YBX2: variants seen among roughly 807,000 people sequenced by gnomAD.
YBX2 encodes Y-box binding protein 2, also known as Y-box-binding protein 2.
YBX2 carries 5 observed loss-of-function variants against 44.4 expected under a neutral mutation model. The observed-to-expected ratio is 0.11, with a 90% CI of 0.06 to 0.24. YBX2 has a LOEUF of 0.24. Among genes scored for constraint, YBX2 ranks in the 10% least tolerant of loss-of-function variants. YBX2 has a pLI of 1.00. For synonymous variants in YBX2, 188 were observed against 216.1 expected, an observed-to-expected ratio of 0.87 and a Z score of 1.14; for missense variants, 417 against 526.9, an observed-to-expected ratio of 0.79 and a Z score of 2.04.
chr17:7,294,301 C>T lies in YBX2; in HGVS notation c.200G>A (p.Gly67Asp), dbSNP rs1460415131. The change falls in exon 1 of 9, where the codon GGC becomes GAC. Residue 67 changes from glycine to aspartate, a missense_variant. By Grantham distance (94) the Gly-to-Asp change is moderately conservative. Transcript: ENST00000007699. This position sits in a 1 kb window ranked among gnomAD's most constrained non-coding sequence, Gnocchi z 4.6. ...TPSAPGSRTP[G>D]NPATAVSGTP... ...TCCCGAGACCGCCGTCGCCGGATTG[C>T]CAGGGGTGCGGGAGCCCGGCGCCGA... 1.6e-6 allele frequency: 2 copies of T among 1,278,056 alleles called. No homozygotes were observed. The highest frequency in any genetic ancestry group is 2.0e-6 in the Non-Finnish European group (2 of 1,018,606). 79.2% of individuals were successfully genotyped at this position (1,278,056 alleles called of 1,614,324 possible).
At position 7,294,471 on chromosome 17, in the gene YBX2, A is replaced by T. The variant is rs538698698; in HGVS notation, c.30T>A (p.Ala10=). 6 of 1,476,486 alleles carry T rather than the reference A, an allele frequency of 4.1e-6. No homozygotes were observed. In the African/African-American group the frequency reaches 7.3e-5, roughly 18 times the overall value. 91.5% of individuals were successfully genotyped at this position (1,476,486 alleles called of 1,614,324 possible). A position where few individuals can be genotyped will look rare whatever the true frequency, so the allele number is the denominator to read the frequency against. The change falls in exon 1 of 9, where the codon GCT becomes GCA. Residue 10 remains alanine, a synonymous_variant. Coordinates refer to ENST00000007699, the MANE Select transcript of YBX2 (RefSeq NM_015982.4). The surrounding 1 kb of genome is among the most constrained non-coding windows in gnomAD (Gnocchi z 4.6). MSEVEAAAG[A]TAVPAATVPA... is the part of the protein sequence containing the mutation. ...GCACCGTCGCCGCGGGGACCGCTGT[A>T]GCCCCCGCTGCCGCCTCCACCTCGC...
Position 7,291,664 on chromosome 17 carries a change from G to C in YBX2, c.369+362C>G, listed in dbSNP as rs1038875910. 2.5e-6 allele frequency: 1 copy of C among 393,396 alleles called. No homozygotes were observed. Among genetic ancestry groups the C allele is most frequent in the Non-Finnish European group, 4.8e-6 (1 of 207,682 alleles). 24.4% of individuals were successfully genotyped at this position (393,396 alleles called of 1,614,324 possible). A position where few individuals can be genotyped will look rare whatever the true frequency, so the allele number is the denominator to read the frequency against. ...GCTCTGATTGATTCACCAGGTCTGG[G>C]GTGGGACCTGAGAATTCGGATGTCA... On this transcript the variant is annotated intron_variant, in intron 3 of 8. Transcript: ENST00000007699. The surrounding 1 kb of genome is among the most constrained non-coding windows in gnomAD (Gnocchi z 5.8).
chr17:7,290,174 A>G, intron 5 of YBX2, 77 bp downstream of exon 5: 2 of 1,611,194 alleles, frequency 1.2e-6, no homozygotes, highest in Non-Finnish European at 1.7e-6. Flanking sequence ...TTCTTTGGGG[A>G]CCCATGGTCT....
Position 7,291,760 on chromosome 17 carries a change from G to A in YBX2, c.369+266C>T, listed in dbSNP as rs553586041. On this transcript the variant is annotated intron_variant, in intron 3 of 8. Coordinates refer to ENST00000007699, the MANE Select transcript of YBX2 (RefSeq NM_015982.4). The surrounding 1 kb of genome is among the most constrained non-coding windows in gnomAD (Gnocchi z 5.8). The stretch of plus-strand genomic sequence containing the variant: ...CTGCACCCAAGGACCTTCTCCCTCT[G>A]AAAACTGCCTCAGTGCTTCCTGGAG... 1.9e-6 allele frequency: 1 copy of A among 519,038 alleles called. No individual in the cohort carries two copies. Among genetic ancestry groups the A allele is most frequent in the Non-Finnish European group, 3.5e-6 (1 of 285,874 alleles). 32.2% of individuals were successfully genotyped at this position (519,038 alleles called of 1,614,324 possible). A position where few individuals can be genotyped will look rare whatever the true frequency, so the allele number is the denominator to read the frequency against.
At position 7,291,954 on chromosome 17, in the gene YBX2, C is replaced by A; in HGVS notation, c.369+72G>T. On this transcript the variant is annotated intron_variant, in intron 3 of 8. Coordinates refer to ENST00000007699, the MANE Select transcript of YBX2 (RefSeq NM_015982.4). This position sits in a 1 kb window ranked among gnomAD's most constrained non-coding sequence, Gnocchi z 5.8. ...AGCCAGAGAAACATGGCGGAGCGCA[C>A]TGCTAAGGATTACAGCAAAGGCCTT... 1 of 1,588,330 alleles carries A rather than the reference C, an allele frequency of 6.3e-7. No individual in the cohort carries two copies. Among genetic ancestry groups the A allele is most frequent in the South Asian group, 1.1e-5 (1 of 90,512 alleles).
At chr17:7,289,429 G>A in intron 7 of YBX2, 101 bp downstream of exon 7, 1 of 1,512,410 alleles carries the variant, frequency 6.6e-7, no homozygotes, top group Non-Finnish European at 8.9e-7. Flanking sequence ...CCAGGGCAGG[G>A]GAGGGGAGGA....
At position 7,291,192 on chromosome 17, in the gene YBX2, GA is replaced by G. The variant is rs1431162993; in HGVS notation, c.370-11del. The G allele has an allele frequency of 1.2e-6, 2 of 1,613,854 alleles. No homozygotes were observed. The highest frequency in any genetic ancestry group is 1.3e-5 in the African/African-American group (1 of 74,898). On this transcript the variant is annotated splice_polypyrimidine_tract_variant and intron_variant, in intron 3 of 8. Transcript: ENST00000007699. The surrounding 1 kb of genome is among the most constrained non-coding windows in gnomAD (Gnocchi z 5.8). ...TTCTTTTAATAGCTGTCTGATTGGG[GA>G]AAAGGCCATGTGAAAAGTGAGACAG...
intron 1 of YBX2, 175 bp from the exon 2 acceptor site, chr17:7,293,713 C>T (rs1472913759): frequency 7.7e-7 from 1 of 1,298,778 alleles, no homozygotes. Context: ...CTACCCTAGT[C>T]CACCAAATGA....
rs35878719 is a variant in YBX2 at position 7,290,060 on chromosome 17, C to A, written c.756G>T (p.Arg252Ser). The change falls in exon 6 of 9, where the codon AGG becomes AGT. Residue 252 changes from arginine (R) to serine (S), a missense_variant. Physicochemically the swap from Arg to Ser is moderately radical, Grantham distance 110. Transcript: ENST00000007699. The part of the protein sequence containing the change: ...NQQQPIEGTD[R>S]VEPKETAPLE... ...ATGGGGCTGTCTCTTTGGGTTCTAC[C>A]CTGTCAGTGCCCTGGGAACATGCAA... is the stretch of plus-strand genomic sequence containing the variant. 1 of 1,614,142 alleles carries A rather than the reference C, an allele frequency of 6.2e-7. No homozygotes were observed. The highest frequency in any genetic ancestry group is 8.5e-7 in the Non-Finnish European group (1 of 1,180,050).
At position 7,294,075 on chromosome 17, in the gene YBX2, G is replaced by T. The variant is rs2072521038; in HGVS notation, c.271+155C>A. ...AAGGTACGGCAGGATTTCCCACCAGGGGAATCCACTTTGGTGCGCAGCTCC... is the reference window on the plus strand; with the variant it reads ...AAGGTACGGCAGGATTTCCCACCAGTGGAATCCACTTTGGTGCGCAGCTCC... On this transcript the variant is annotated intron_variant, in intron 1 of 8. Coordinates refer to ENST00000007699, the MANE Select transcript of YBX2 (RefSeq NM_015982.4). The surrounding 1 kb of genome is among the most constrained non-coding windows in gnomAD (Gnocchi z 4.6). 1.1e-6 allele frequency: 1 copy of T among 875,816 alleles called. No homozygotes were observed. Among genetic ancestry groups the T allele is most frequent in the Non-Finnish European group, 1.5e-6 (1 of 659,626 alleles). 54.3% of individuals were successfully genotyped at this position (875,816 alleles called of 1,614,324 possible).
In YBX2 at chr17:7,289,435, G is replaced by A. The variant is rs1181550193; in HGVS notation, c.1044+95C>T. On this transcript the variant is annotated intron_variant, in intron 7 of 8. Transcript: ENST00000007699. ...GTGGCAGGGCCAGGGCAGGGGAGGG[G>A]AGGAGCCAAAGGATAGAGTAGGAAA... is the stretch of plus-strand genomic sequence containing the variant. 3.3e-6 allele frequency: 5 copies of A among 1,523,974 alleles called. No individual in the cohort carries two copies. The South Asian group carries it at 4.9e-5, about 15-fold the overall frequency. 94.4% of individuals were successfully genotyped at this position (1,523,974 alleles called of 1,614,324 possible).
intron 2 of YBX2, chr17:7,292,412 G>A (rs2072507852): frequency 6.4e-6 from 2 of 310,664 alleles, no homozygotes; most frequent in Non-Finnish European, 1.3e-5. Context: ...AACTGTCCCT[G>A]GCCAACACCC....
In YBX2 at chr17:7,294,481, G is replaced by A. The variant is rs1009773270; in HGVS notation, c.20C>T (p.Ala7Val). MSEVEA[A>V]AGATAVPAAT... ...CGCGGGGACCGCTGTAGCCCCCGCTGCCGCCTCCACCTCGCTCATCCCGCC... is the reference window on the plus strand; with the variant it reads ...CGCGGGGACCGCTGTAGCCCCCGCTACCGCCTCCACCTCGCTCATCCCGCC... Residue 7 changes from alanine to valine, a missense_variant, in exon 1 of 9, where the codon GCA (alanine) becomes GTA (valine). Physicochemically the swap from Ala to Val is moderately conservative, Grantham distance 64. Around this residue, in one of 3 missense-constraint regions of YBX2, gnomAD observed 121 missense variants for 141.3 expected, o/e 0.86. Coordinates refer to ENST00000007699, the MANE Select transcript of YBX2 (RefSeq NM_015982.4). This position sits in a 1 kb window ranked among gnomAD's most constrained non-coding sequence, Gnocchi z 4.6. 3.4e-6 allele frequency: 5 copies of A among 1,471,834 alleles called. No homozygotes were observed. Among genetic ancestry groups the A allele is most frequent in the East Asian group, 3.0e-5 (1 of 33,610 alleles). 91.2% of individuals were successfully genotyped at this position (1,471,834 alleles called of 1,614,324 possible).
At chr17:7,293,259 G>A in intron 2 of YBX2, 1 of 777,114 alleles carries the variant, frequency 1.3e-6, no homozygotes, top group South Asian at 1.8e-5. Flanking sequence ...CCAAGTTCCT[G>A]AATCATTAAT....
intron 7 of YBX2, among the ~76,000 whole-genome samples, chr17:7,289,051 G>A (rs1444752323): frequency 1.3e-5 from 2 of 152,054 alleles, no homozygotes; most frequent in African/African-American, 2.4e-5. Flanking sequence ...TAGTAGAGAC[G>A]GGGTTTCTCC....
chr17:7,288,888 CAG>C (rs373192410), intron 7 of YBX2, 50 bp from the exon 8 acceptor site: 228 of 1,610,390 alleles, frequency 1.4e-4, no homozygotes, highest in African/African-American at 3.5e-4. Flanking sequence ...GTTTTTGAGA[CAG>C]AGTCTCACTC....
rs2072527084 is a variant in YBX2 at position 7,294,546 on chromosome 17, T to TC, written c.-47dup. ...CCACAGCCGCCACCGCCCCGGCCCC[T>TC]CCCCCCGGCTCGCGAACCCACCGCC... On this transcript the variant is annotated 5_prime_UTR_variant, in exon 1 of 9. Transcript: ENST00000007699. The surrounding 1 kb of genome is among the most constrained non-coding windows in gnomAD (Gnocchi z 4.6). 2.3e-6 allele frequency: 3 copies of TC among 1,319,956 alleles called. No individual in the cohort carries two copies. The highest frequency in any genetic ancestry group is 2.1e-5 in the African/African-American group (1 of 48,636). The allele number at this position is 1,319,956 out of a possible 1,614,324, so 81.8% of individuals were successfully genotyped here.
intron 1 of YBX2, 36 bp from the exon 2 acceptor site, chr17:7,293,574 G>A (rs1567605400): frequency 1.2e-6 from 2 of 1,614,018 alleles, no homozygotes; most frequent in African/African-American, 2.7e-5. Flanking sequence ...CAGTGAGATG[G>A]GGGGAAGAGA....
Position 7,291,226 on chromosome 17 carries a change from G to A in YBX2, c.370-44C>T, listed in dbSNP as rs1233136424. On this transcript the variant is annotated intron_variant, in intron 3 of 8. Transcript: ENST00000007699. This position sits in a 1 kb window ranked among gnomAD's most constrained non-coding sequence, Gnocchi z 5.8. ...ATGTGAAAAGTGAGACAGCAAGACA[G>A]GAGTCTCTGTCACCCCTGCTGGGGC... 1.3e-6 allele frequency: 2 copies of A among 1,594,600 alleles called. No individual in the cohort carries two copies. Among genetic ancestry groups the A allele is most frequent in the Non-Finnish European group, 1.7e-6 (2 of 1,162,530 alleles).
Sources: allele counts gnomAD v4.1 joint callset (sites outside exome capture counted in the v4.1 genomes callset), GRCh38; gene constraint gnomAD v4.1.1; regional missense constraint gnomAD v4.1.1; non-coding constraint Gnocchi (gnomAD v3.1); transcripts MANE v1.5; gene names NCBI Gene and HGNC (gene_info 2026-07-23, HGNC 2026-07-21).